Variants in SNRPA1 observed in about 807,000 individuals in gnomAD.
The protein encoded by SNRPA1 is small nuclear ribonucleoprotein polypeptide A', also known as U2 small nuclear ribonucleoprotein A'.
In SNRPA1, 5 loss-of-function variants were observed where a neutral mutation model predicts 32.3. The observed-to-expected ratio is 0.15, with a 90% CI of 0.08 to 0.33. The LOEUF (loss-of-function observed/expected upper bound fraction) is 0.33, where lower values mean the gene tolerates loss of function less well. Ranked by LOEUF, SNRPA1 falls within the 10% of genes least tolerant of loss-of-function variation. SNRPA1 has a pLI of 1.00. For synonymous variants in SNRPA1, 111 were observed against 120.1 expected, an observed-to-expected ratio of 0.92 and a Z score of 0.50; for missense variants, 198 against 311.1, an observed-to-expected ratio of 0.64 and a Z score of 2.74.
chr15:101,291,936 A>T, intron 3 of SNRPA1, 26 bp downstream of exon 3: 1 of 1,515,332 alleles, frequency 6.6e-7, no homozygotes, highest in Non-Finnish European at 9.1e-7. Flanking sequence ...CACCCACCAA[A>T]TACATTTTCC....
intron 1 of SNRPA1, among the ~76,000 whole-genome samples, chr15:101,293,854 C>T (rs1272575746): frequency 1.3e-5 from 2 of 152,224 alleles, no homozygotes; most frequent in Non-Finnish European, 1.5e-5. Context: ...GGACACAATT[C>T]AGAGCTGTAC....
chr15:101,291,612 G>C (rs1184830348), intron 3 of SNRPA1, among the ~76,000 whole-genome samples: 3 of 151,190 alleles, frequency 2.0e-5, no homozygotes, highest in African/African-American at 7.3e-5. Context: ...TGTAGTTACT[G>C]GTACTATATT....
Position 101,295,245 on chromosome 15 carries a change from GT to G in SNRPA1, c.-68del. 1 of 1,353,226 alleles carries G rather than the reference GT, an allele frequency of 7.4e-7. No individual in the cohort carries two copies. The highest frequency in any genetic ancestry group is 1.5e-5 in the South Asian group (1 of 68,474). 83.8% of individuals were successfully genotyped at this position (1,353,226 alleles called of 1,614,324 possible). ...CCTCCCGCCAGCGAGACGTCCCAGC[GT>G]GCCCCGCGCCCCGCCGCCAGGCAGC... On this transcript the variant is annotated 5_prime_UTR_variant, in exon 1 of 9. Transcript: ENST00000254193.
At position 101,295,081 on chromosome 15, in the gene SNRPA1, A is replaced by G; in HGVS notation, c.82+16T>C. ...GGTGCCGCCTGGGGACTGGCCGCCC[A>G]CGCCCCCGGACTCACCCCGGAGGTC... On this transcript the variant is annotated intron_variant, in intron 1 of 8. Coordinates refer to ENST00000254193, the MANE Select transcript of SNRPA1 (RefSeq NM_003090.4). The G allele has an allele frequency of 2.1e-6, 3 of 1,455,472 alleles. No individual in the cohort carries two copies. Among genetic ancestry groups the G allele is most frequent in the Non-Finnish European group, 2.7e-6 (3 of 1,096,322 alleles). 90.2% of individuals were successfully genotyped at this position (1,455,472 alleles called of 1,614,324 possible). A position where few individuals can be genotyped will look rare whatever the true frequency, so the allele number is the denominator to read the frequency against.
At chr15:101,286,701 C>A in intron 5 of SNRPA1, 2 of 510,228 alleles carry the variant, frequency 3.9e-6, no homozygotes, top group South Asian at 4.9e-5. Context: ...TCGGAATAGC[C>A]AGCATTACAT....
intron 3 of SNRPA1, among the ~76,000 whole-genome samples, chr15:101,291,736 A>C (rs958943551): frequency 3.0e-4 from 46 of 152,250 alleles, no homozygotes; most frequent in African/African-American, 1.1e-3. Context: ...ACTGCACCTA[A>C]ATTAGGAACT....
At chr15:101,285,406 T>G (rs1187566525) in intron 7 of SNRPA1, among the ~76,000 whole-genome samples, 1 of 152,200 alleles carries the variant, frequency 6.6e-6, no homozygotes, top group African/African-American at 2.4e-5. Flanking sequence ...TCAAAAGGAT[T>G]TGCCAGACAG....
intron 7 of SNRPA1, among the ~76,000 whole-genome samples, chr15:101,285,310 G>A (rs1291238531): frequency 2.0e-5 from 3 of 152,154 alleles, no homozygotes; most frequent in Non-Finnish European, 2.9e-5. Context: ...TTCTAAAATC[G>A]TAGCTAAGTG....
chr15:101,295,056 G>C, intron 1 of SNRPA1, 41 bp downstream of exon 1: 4 of 1,300,072 alleles, frequency 3.1e-6, no homozygotes, highest in Non-Finnish European at 4.1e-6. Flanking sequence ...AAGGCGGCTC[G>C]GTGCCGCCTG....
intron 2 of SNRPA1, 69 bp downstream of exon 2, chr15:101,292,956 C>T: frequency 1.8e-6 from 2 of 1,091,908 alleles, no homozygotes; most frequent in Non-Finnish European, 2.5e-6. Flanking sequence ...GCACGTGCTA[C>T]AACTTCTTCA....
At chr15:101,291,186 T>TATA (rs1421881053) in intron 3 of SNRPA1, among the ~76,000 whole-genome samples, 3 of 152,244 alleles carry the variant, frequency 2.0e-5, no homozygotes, top group Non-Finnish European at 2.9e-5. Context: ...TGGCCTACAA[T>TATA]ATAAATTTAA....
At position 101,286,995 on chromosome 15, in the gene SNRPA1, C is replaced by T. The variant is rs147936815; in HGVS notation, c.372G>A (p.Pro124=). The change falls in exon 5 of 9, where the codon CCG becomes CCA. Residue 124 remains proline (P), a synonymous_variant. Coordinates refer to ENST00000254193, the MANE Select transcript of SNRPA1 (RefSeq NM_003090.4). Reference sequence around the variant, plus strand: ...ATCTGTAATGCTTCTTATTGGTTACCGGATTTCTTAGGATACTACAAGAAA... The same window carrying T: ...ATCTGTAATGCTTCTTATTGGTTACTGGATTTCTTAGGATACTACAAGAAA... ...SLTYLSILRN[P]VTNKKHYRLY... is the part of the protein sequence containing the mutation. 1.6e-5 allele frequency: 25 copies of T among 1,598,664 alleles called. No individual in the cohort carries two copies. In the African/African-American group the frequency reaches 2.1e-4, roughly 14 times the overall value.
chr15:101,283,882 G>A (rs1262478304), intron 8 of SNRPA1, among the ~76,000 whole-genome samples: 2 of 152,250 alleles, frequency 1.3e-5, no homozygotes, highest in South Asian at 2.1e-4. Flanking sequence ...GGAGGTTGGC[G>A]TGAGCCGAGA....
intron 7 of SNRPA1, 52 bp from the exon 8 acceptor site, chr15:101,285,112 G>T: frequency 7.6e-7 from 1 of 1,309,204 alleles, no homozygotes. Flanking sequence ...CCAAGTATCA[G>T]CTACCCAGAA....
At chr15:101,293,214 C>T (rs1344002625) in intron 1 of SNRPA1, 42 bp from the exon 2 acceptor site, 2 of 1,396,150 alleles carry the variant, frequency 1.4e-6, no homozygotes, top group South Asian at 1.3e-5. Context: ...ATTAATATAA[C>T]TAAACAGTTG....
Position 101,295,194 on chromosome 15 carries a change from T to TC in SNRPA1, c.-17dup. 2 of 1,524,886 alleles carry TC rather than the reference T, an allele frequency of 1.3e-6. No homozygotes were observed. Among genetic ancestry groups the TC allele is most frequent in the Non-Finnish European group, 8.8e-7 (1 of 1,138,912 alleles). The allele number at this position is 1,524,886 out of a possible 1,614,324, so 94.5% of individuals were successfully genotyped here. A position where few individuals can be genotyped will look rare whatever the true frequency, so the allele number is the denominator to read the frequency against. ...GCTTGACCATCCTGCAGCCTCCCGT[T>TC]CCCCCGCGCTGTGGAAAGCCCGTGG... is the stretch of plus-strand genomic sequence containing the variant. On this transcript the variant is annotated 5_prime_UTR_variant, in exon 1 of 9. Transcript: ENST00000254193.
At chr15:101,284,507 C>CTT (rs58361573) in intron 8 of SNRPA1, among the ~76,000 whole-genome samples, 17,621 of 142,584 alleles carry the variant, frequency 0.12, 3,301 homozygotes, top group African/African-American at 0.4. Context: ...CATGAAATAC[C>CTT]TTTTTTTTTT....
Position 101,284,994 on chromosome 15 carries a change from G to C in SNRPA1, c.682C>G (p.Gln228Glu). ...ERLKGLLQSGQIPGRERRSGP... is the reference protein window; with the variant it reads ...ERLKGLLQSGEIPGRERRSGP... ...GATCTGCGTTCTCTGCCAGGGATCT[G>C]ACCAGACTGCAGCAACCCCTTCAGC... Residue 228 changes from glutamine (Q) to glutamate (E), a missense_variant, in exon 8 of 9, where the codon CAG becomes GAG. Gln to Glu is a conservative substitution (Grantham distance 29). Around this residue, in one of 3 missense-constraint regions of SNRPA1, gnomAD observed 77 missense variants for 120.1 expected, o/e 0.64. Coordinates refer to ENST00000254193, the MANE Select transcript of SNRPA1 (RefSeq NM_003090.4). The C allele has an allele frequency of 1.2e-6, 2 of 1,613,748 alleles. No individual in the cohort carries two copies. The highest frequency in any genetic ancestry group is 1.7e-6 in the Non-Finnish European group (2 of 1,179,732).
chr15:101,287,083 T>C lies in SNRPA1; in HGVS notation c.357-73A>G, dbSNP rs565258836. The C allele has an allele frequency of 7.8e-5, 53 of 676,386 alleles. No individual in the cohort carries two copies. The South Asian group carries it at 9.7e-4, about 12-fold the overall frequency. 41.9% of individuals were successfully genotyped at this position (676,386 alleles called of 1,614,324 possible). ...ACTCAAGAGGTCTGTTTGAATAGTCTAAGGAACCTATAAATCAAGGGAACA... is the reference window on the plus strand; with the variant it reads ...ACTCAAGAGGTCTGTTTGAATAGTCCAAGGAACCTATAAATCAAGGGAACA... On this transcript the variant is annotated intron_variant, in intron 4 of 8. Coordinates refer to ENST00000254193, the MANE Select transcript of SNRPA1 (RefSeq NM_003090.4).
Sources: gnomAD v4.1 joint callset for allele counts (sites outside exome capture counted in the v4.1 genomes callset) on GRCh38, gnomAD v4.1.1 for gene constraint, gnomAD v4.1.1 regional missense constraint, MANE v1.5 for transcripts, NCBI Gene and HGNC (gene_info 2026-07-23, HGNC 2026-07-21) for gene names.